The following SAXO1 variants were observed in gnomAD, a reference collection of about 807,000 sequenced individuals.
The protein encoded by SAXO1 is stabilizer of axonemal microtubules 1.
In SAXO1, 21 loss-of-function variants were observed where a neutral mutation model predicts 17.5. The observed-to-expected ratio is 1.20, with a 90% confidence interval of 0.85 to 1.72. The LOEUF (loss-of-function observed/expected upper bound fraction) is 1.72. SAXO1 is among the 40% of genes most tolerant of loss of function. The pLI, the probability that SAXO1 is intolerant of heterozygous loss-of-function variation, is 0.00. For synonymous variants in SAXO1, 274 were observed against 216.5 expected, an observed-to-expected ratio of 1.27 and a Z score of -2.33; for missense variants, 843 against 596.0, an observed-to-expected ratio of 1.41 and a Z score of -4.32.
intron 1 of SAXO1, among the ~76,000 whole-genome samples, chr9:19,025,871 T>C (rs923835222): frequency 1.2e-4 from 16 of 132,174 alleles, no homozygotes; most frequent in South Asian, 4.7e-4. Context: ...AAAAGGCTTT[T>C]AGAATTACAC....
chr9:19,031,889 C>T (rs1275192381), intron 1 of SAXO1, among the ~76,000 whole-genome samples: 1 of 152,126 alleles, frequency 6.6e-6, no homozygotes, highest in Non-Finnish European at 1.5e-5. Context: ...TTTTAGAGTG[C>T]CCTTTAATTC....
intron 1 of SAXO1, among the ~76,000 whole-genome samples, chr9:18,955,109 A>T (rs115558969): frequency 0.012 from 1,900 of 152,240 alleles, 43 homozygotes; most frequent in African/African-American, 0.043. Context: ...AGGAGAGGGG[A>T]TGCTTGAGTC....
chr9:19,009,213 A>C (rs1403536771), intron 1 of SAXO1, among the ~76,000 whole-genome samples: 1 of 150,654 alleles, frequency 6.6e-6, no homozygotes, highest in Non-Finnish European at 1.5e-5. Context: ...AGTAAAAAAA[A>C]ATCTTCACAT....
chr9:18,994,406 T>G (rs960103507), intron 1 of SAXO1, among the ~76,000 whole-genome samples: 1 of 152,194 alleles, frequency 6.6e-6, no homozygotes, highest in Non-Finnish European at 1.5e-5. Flanking sequence ...CTGGAAAGAT[T>G]TAGGACTTTT....
At chr9:18,998,581 C>G (rs2130948481) in intron 1 of SAXO1, among the ~76,000 whole-genome samples, 1 of 152,248 alleles carries the variant, frequency 6.6e-6, no homozygotes, top group South Asian at 2.1e-4. Context: ...CCTAGCAAGA[C>G]AGGCCAACAT....
chr9:18,964,928 T>C (rs1048702244), intron 1 of SAXO1, among the ~76,000 whole-genome samples: 2 of 152,252 alleles, frequency 1.3e-5, no homozygotes, highest in Non-Finnish European at 2.9e-5. Context: ...CTGCTTTAGC[T>C]GTATCCCAGA....
chr9:18,974,099 G>C (rs575145609), intron 1 of SAXO1, among the ~76,000 whole-genome samples: 12 of 152,308 alleles, frequency 7.9e-5, no homozygotes, highest in African/African-American at 2.9e-4. Flanking sequence ...ACAGTAAGGG[G>C]TTGTAGGTAC....
At chr9:19,012,843 G>A (rs947776424) in intron 1 of SAXO1, among the ~76,000 whole-genome samples, 1 of 152,212 alleles carries the variant, frequency 6.6e-6, no homozygotes, top group Admixed American at 6.5e-5. Context: ...GTATTAGCCA[G>A]GTTAATATTA....
At chr9:18,972,217 T>G (rs1277536264) in intron 1 of SAXO1, among the ~76,000 whole-genome samples, 2 of 152,200 alleles carry the variant, frequency 1.3e-5, no homozygotes, top group Non-Finnish European at 2.9e-5. Flanking sequence ...ATTTTTTATT[T>G]CTGGTAGAAG....
intron 1 of SAXO1, among the ~76,000 whole-genome samples, chr9:19,025,897 A>ATTTTC (rs1835450800): frequency 6.6e-6 from 1 of 151,540 alleles, no homozygotes; most frequent in Non-Finnish European, 1.5e-5. Context: ...TTTTTATATC[A>ATTTTC]GATACTATTT....
Position 18,996,942 on chromosome 9 carries a change from C to CA in SAXO1, c.38+35928dup, listed in dbSNP as rs35617158. 4.3e-4 allele frequency among the ~76,000 whole-genome samples: 64 copies of CA among 149,042 alleles called. No homozygotes were observed. The South Asian group carries it at 0.012, about 27-fold the overall frequency. On this transcript the variant is annotated intron_variant, in intron 1 of 3. Transcript: ENST00000380534. ...ATGACATGATCTCATATGTAAAACC[C>CA]AAAAAAAAAATCTAGGCAAATTTAG...
intron 1 of SAXO1, among the ~76,000 whole-genome samples, chr9:18,979,512 G>A (rs957825816): frequency 2.6e-5 from 4 of 152,218 alleles, no homozygotes; most frequent in Non-Finnish European, 5.9e-5. Context: ...CAGGGGGCAC[G>A]TGGTGGGACA....
chr9:19,024,455 G>GTA (rs1563988793), intron 1 of SAXO1, among the ~76,000 whole-genome samples: 3 of 151,476 alleles, frequency 2.0e-5, no homozygotes, highest in African/African-American at 7.3e-5. Flanking sequence ...GGTGGGGCGA[G>GTA]GGGGGGAGGG....
chr9:19,037,267 C>T (rs933202054), upstream of SAXO1, among the ~76,000 whole-genome samples: 6 of 152,066 alleles, frequency 3.9e-5, no homozygotes, highest in Admixed American at 1.3e-4. Context: ...GGGTTAATGC[C>T]GAAATGACTT....
intron 1 of SAXO1, among the ~76,000 whole-genome samples, chr9:18,988,760 A>C (rs1235963987): frequency 6.6e-6 from 1 of 152,210 alleles, no homozygotes; most frequent in African/African-American, 2.4e-5. Context: ...TAGTAACCAC[A>C]TGTATGATTT....
chr9:19,002,208 T>A (rs192496372), intron 1 of SAXO1, among the ~76,000 whole-genome samples: 124 of 152,266 alleles, frequency 8.1e-4, no homozygotes, highest in African/African-American at 2.9e-3. Context: ...AGAAGTTGAA[T>A]CTCTGCATAG....
intron 1 of SAXO1, among the ~76,000 whole-genome samples, chr9:19,018,380 C>T (rs10811100): frequency 0.47 from 71,560 of 151,954 alleles, 17,893 homozygotes; most frequent in Non-Finnish European, 0.56. Context: ...GAACTGCCAT[C>T]GTTGGCAGGA....
intron 3 of SAXO1, among the ~76,000 whole-genome samples, chr9:18,933,295 T>C (rs78463112): frequency 2.0e-5 from 3 of 152,326 alleles, no homozygotes; most frequent in South Asian, 2.1e-4. Flanking sequence ...TCTGTTACTT[T>C]ATTAATGTGG....
At chr9:18,953,442 T>A (rs1832119520) in intron 1 of SAXO1, among the ~76,000 whole-genome samples, 1 of 152,266 alleles carries the variant, frequency 6.6e-6, no homozygotes, top group Admixed American at 6.5e-5. Flanking sequence ...AGCAACAAGC[T>A]TCTATCCAGA....
Sources: allele counts gnomAD v4.1 joint callset (sites outside exome capture counted in the v4.1 genomes callset), GRCh38; gene constraint gnomAD v4.1.1; transcripts MANE v1.5; gene names NCBI Gene and HGNC (gene_info 2026-07-23, HGNC 2026-07-21).